SGCZ: variants seen among roughly 807,000 people sequenced by gnomAD.
The protein encoded by SGCZ is sarcoglycan zeta.
SGCZ carries 40 observed loss-of-function variants against 41.3 expected under a neutral mutation model. That is an observed-to-expected ratio of 0.97 (90% confidence interval 0.75 to 1.26). The LOEUF (loss-of-function observed/expected upper bound fraction) is 1.26. Ranked by LOEUF, SGCZ falls within the 50% of genes most tolerant of loss-of-function variation. The pLI is 0.00. For missense variants in SGCZ, 552 were observed against 369.8 expected (o/e 1.49, Z -4.04); for synonymous variants, 206 against 137.5 (o/e 1.50, Z -3.49).
intron 2 of SGCZ, among the ~76,000 whole-genome samples, chr8:14,445,001 C>T (rs1455827499): frequency 6.6e-6 from 1 of 152,258 alleles, no homozygotes; most frequent in East Asian, 1.9e-4. Context: ...CATTACTTTC[C>T]CCTGATGTAG....
intron 1 of SGCZ, among the ~76,000 whole-genome samples, chr8:14,760,513 C>T (rs547865491): frequency 1.9e-4 from 29 of 152,226 alleles, no homozygotes; most frequent in South Asian, 4.1e-4. Context: ...TATTACTTAA[C>T]AAAAAATGTA....
intron 3 of SGCZ, among the ~76,000 whole-genome samples, chr8:14,298,106 TAA>T (rs930330532): frequency 2.6e-5 from 4 of 151,844 alleles, no homozygotes; most frequent in South Asian, 2.1e-4. Flanking sequence ...AATGAGCAAA[TAA>T]AAAGATTATT....
chr8:14,693,293 C>CTT (rs10639083), intron 1 of SGCZ, among the ~76,000 whole-genome samples: 15,480 of 146,214 alleles, frequency 0.11, 875 homozygotes, highest in East Asian at 0.22. Context: ...AATTGAATAC[C>CTT]TTTTTTTTTT....
At chr8:14,404,762 G>A (rs1472875048) in intron 2 of SGCZ, among the ~76,000 whole-genome samples, 5 of 152,126 alleles carry the variant, frequency 3.3e-5, no homozygotes, top group Non-Finnish European at 5.9e-5. Flanking sequence ...TCTGGTTTTT[G>A]CTCTGCTCTT....
intron 1 of SGCZ, among the ~76,000 whole-genome samples, chr8:14,826,463 T>C (rs1445595420): frequency 6.6e-6 from 1 of 152,136 alleles, no homozygotes; most frequent in Non-Finnish European, 1.5e-5. Flanking sequence ...ATGGGATGGC[T>C]GGGTCAAATG....
intron 1 of SGCZ, among the ~76,000 whole-genome samples, chr8:14,589,470 A>T (rs1805172532): frequency 6.6e-6 from 1 of 152,152 alleles, no homozygotes; most frequent in African/African-American, 2.4e-5. Flanking sequence ...CATGTATTAG[A>T]TTTAGATAAT....
chr8:14,587,936 C>G (rs1170633501), intron 1 of SGCZ, among the ~76,000 whole-genome samples: 1 of 152,048 alleles, frequency 6.6e-6, no homozygotes, highest in African/African-American at 2.4e-5. Context: ...GTTTCCTTGT[C>G]AATTTTATAG....
intron 3 of SGCZ, among the ~76,000 whole-genome samples, chr8:14,286,801 G>C (rs1403165589): frequency 6.6e-6 from 1 of 152,052 alleles, no homozygotes; most frequent in African/African-American, 2.4e-5. Context: ...AAGCTGCTAA[G>C]ATACCCATAA....
intron 2 of SGCZ, among the ~76,000 whole-genome samples, chr8:14,328,406 T>G (rs1276605372): frequency 6.6e-6 from 1 of 152,162 alleles, no homozygotes; most frequent in Non-Finnish European, 1.5e-5. Context: ...CTGCCACTTC[T>G]TCCCTTTGTT....
chr8:15,105,070 T>C (rs946282658), intron 1 of SGCZ, among the ~76,000 whole-genome samples: 4 of 152,232 alleles, frequency 2.6e-5, no homozygotes, highest in African/African-American at 4.8e-5. Flanking sequence ...AAATGTTTGC[T>C]AACCCAATAA....
intron 3 of SGCZ, among the ~76,000 whole-genome samples, chr8:14,311,579 A>G (rs1440252137): frequency 2.6e-5 from 4 of 152,186 alleles, no homozygotes. Context: ...TAGACAATAC[A>G]ATTTCATTCT....
intron 1 of SGCZ, among the ~76,000 whole-genome samples, chr8:14,699,356 A>G (rs754728716): frequency 1.3e-5 from 2 of 151,740 alleles, no homozygotes; most frequent in Non-Finnish European, 2.9e-5. Context: ...AACAATCACA[A>G]GCAATGAGGA....
chr8:14,275,116 C>T (rs1035967153), intron 3 of SGCZ, among the ~76,000 whole-genome samples: 52 of 152,100 alleles, frequency 3.4e-4, no homozygotes, highest in African/African-American at 1.0e-3. Flanking sequence ...AACATGTGTC[C>T]ATAGTTATGC....
intron 5 of SGCZ, among the ~76,000 whole-genome samples, chr8:14,145,305 C>T (rs371023271): frequency 6.6e-6 from 1 of 152,152 alleles, no homozygotes. Flanking sequence ...TCTCTCAGAT[C>T]TTGTCCATGA....
At chr8:14,550,308 A>G (rs1803762941) in intron 2 of SGCZ, among the ~76,000 whole-genome samples, 1 of 150,714 alleles carries the variant, frequency 6.6e-6, no homozygotes, top group Non-Finnish European at 1.5e-5. Flanking sequence ...ATATACATGC[A>G]TACAAATATT....
intron 2 of SGCZ, among the ~76,000 whole-genome samples, chr8:14,424,331 G>T (rs773143399): frequency 6.6e-6 from 1 of 152,010 alleles, no homozygotes; most frequent in Non-Finnish European, 1.5e-5. Context: ...CAAGTATTAT[G>T]GATTAAAAAA....
At chr8:15,120,045 A>G (rs1278030976) in intron 1 of SGCZ, among the ~76,000 whole-genome samples, 3 of 152,052 alleles carry the variant, frequency 2.0e-5, no homozygotes, top group East Asian at 1.9e-4. Flanking sequence ...GAGTCTTGCT[A>G]TGTTTTCCAG....
intron 1 of SGCZ, among the ~76,000 whole-genome samples, chr8:14,774,075 C>G (rs2130406585): frequency 6.6e-6 from 1 of 152,176 alleles, no homozygotes; most frequent in African/African-American, 2.4e-5. Flanking sequence ...GGGTGTTTTT[C>G]GTTGAGATTA....
At chr8:14,780,777 C>T (rs1436164150) in intron 1 of SGCZ, among the ~76,000 whole-genome samples, 1 of 152,136 alleles carries the variant, frequency 6.6e-6, no homozygotes, top group African/African-American at 2.4e-5. Context: ...TTTATCCACT[C>T]TGTTTTCTTA....
Sources: gnomAD v4.1 joint callset for allele counts (sites outside exome capture counted in the v4.1 genomes callset) on GRCh38, gnomAD v4.1.1 for gene constraint, MANE v1.5 for transcripts, NCBI Gene and HGNC (gene_info 2026-07-23, HGNC 2026-07-21) for gene names.